The following LRP5 variants were observed in gnomAD, a reference collection of about 807,000 sequenced individuals.
The protein encoded by LRP5 is low-density lipoprotein receptor-related protein 5.
In LRP5, 62 loss-of-function variants were observed where a neutral mutation model predicts 154.1. The ratio of observed to expected loss-of-function variants is 0.40; its 90% CI spans 0.33 to 0.50. The LOEUF is 0.50. LRP5 is among the 20% of genes least tolerant of loss of function. The pLI is 0.55. For synonymous variants in LRP5, 966 were observed against 1,011.5 expected (o/e 0.96, Z 0.85); for missense variants, 1,915 against 2,336.7 (o/e 0.82, Z 3.72).
chr11:68,328,136 C>G (rs1307456161), intron 1 of LRP5, among the ~76,000 whole-genome samples: 5 of 152,222 alleles, frequency 3.3e-5, no homozygotes, highest in Non-Finnish European at 5.9e-5. Flanking sequence ...GTCCAGTTCC[C>G]TGGCATGGTA....
intron 1 of LRP5, among the ~76,000 whole-genome samples, chr11:68,341,942 C>G (rs1410494259): frequency 6.6e-6 from 1 of 152,186 alleles, no homozygotes; most frequent in African/African-American, 2.4e-5. Context: ...TCTGGGTGGG[C>G]CAGCTGGTGC....
intron 5 of LRP5, among the ~76,000 whole-genome samples, chr11:68,369,982 C>T (rs1051758635): frequency 4.6e-5 from 7 of 152,266 alleles, no homozygotes; most frequent in South Asian, 4.1e-4. Context: ...TCACCATGAC[C>T]GGCGCCTTAG....
chr11:68,448,768 G>A (rs1170954147), intron 22 of LRP5, 41 bp from the exon 23 acceptor site: 3 of 1,599,872 alleles, frequency 1.9e-6, no homozygotes, highest in South Asian at 2.2e-5. Context: ...CAGGGCGGAT[G>A]TGCCTACCGA....
chr11:68,365,635 G>T lies in LRP5; in HGVS notation c.948G>T (p.Glu316Asp), dbSNP rs1241805065. 6.2e-7 allele frequency: 1 copy of T among 1,611,396 alleles called. No individual in the cohort carries two copies. Among genetic ancestry groups the T allele is most frequent in the Non-Finnish European group, 8.5e-7 (1 of 1,178,686 alleles). ...ACCTGTGCCTGCTGTCCCCAAGCGA[G>T]CCTTTCTACACATGCGCCTGCCCCA... ...CSHLCLLSPS[E>D]PFYTCACPTG... is the part of the protein sequence containing the mutation. Residue 316 changes from glutamate to aspartate, a missense_variant, in exon 5 of 23, where the codon GAG (glutamate) becomes GAT (aspartate). Transcript: ENST00000294304.
At chr11:68,446,821 G>A (rs375527436) in intron 22 of LRP5, among the ~76,000 whole-genome samples, 7 of 152,318 alleles carry the variant, frequency 4.6e-5, no homozygotes, top group South Asian at 2.1e-4. Flanking sequence ...TGGCTGTGGC[G>A]TCGAGGGGCC....
chr11:68,356,143 CTTTTT>C (rs35481601), intron 2 of LRP5, among the ~76,000 whole-genome samples: 1 of 133,270 alleles, frequency 7.5e-6, no homozygotes, highest in Non-Finnish European at 1.6e-5. Flanking sequence ...CGCACCCAGC[CTTTTT>C]TTTTTTTTTT....
intron 17 of LRP5, among the ~76,000 whole-genome samples, chr11:68,429,976 C>G (rs2098671023): frequency 6.6e-6 from 1 of 152,192 alleles, no homozygotes; most frequent in African/African-American, 2.4e-5. Flanking sequence ...GAGATGACAT[C>G]TTTGGCTCAT....
At position 68,429,303 on chromosome 11, in the gene LRP5, T is replaced by G. The variant is rs544655118; in HGVS notation, c.3638-272T>G. ...AAGTGGGCAGTTCAGACTGATGGTA[T>G]GGGCACAGTAGAGACTGGTGCAGAC... On this transcript the variant is annotated intron_variant, in intron 16 of 22. Coordinates refer to ENST00000294304, the MANE Select transcript of LRP5 (RefSeq NM_002335.4). 3.9e-5 allele frequency among the ~76,000 whole-genome samples: 6 copies of G among 152,264 alleles called. No homozygotes were observed. In the South Asian group the frequency reaches 1.2e-3, roughly 32 times the overall value.
chr11:68,445,926 G>A (rs1158039919), intron 21 of LRP5, among the ~76,000 whole-genome samples: 1 of 152,232 alleles, frequency 6.6e-6, no homozygotes, highest in East Asian at 1.9e-4. Flanking sequence ...CAGCAGGGAC[G>A]CAGAGCCCCT....
the LRP5 span, among the ~76,000 whole-genome samples, chr11:68,305,263 C>A: frequency 6.6e-6 from 1 of 151,918 alleles, no homozygotes; most frequent in African/African-American, 2.4e-5. Flanking sequence ...CTCTCTCTCT[C>A]TCTCGCTCCT....
At chr11:68,342,238 C>T (rs949923662) in intron 1 of LRP5, among the ~76,000 whole-genome samples, 5 of 152,124 alleles carry the variant, frequency 3.3e-5, no homozygotes, top group African/African-American at 1.2e-4. Flanking sequence ...TACTCTGCTA[C>T]TCTGCTGTTC....
At chr11:68,409,101 C>A (rs200805399) in intron 9 of LRP5, among the ~76,000 whole-genome samples, 1 of 80,436 alleles carries the variant, frequency 1.2e-5, no homozygotes, top group Non-Finnish European at 2.2e-5. Context: ...TATATACACA[C>A]ACATACACGC....
chr11:68,430,251 G>A (rs1199664037), intron 17 of LRP5, among the ~76,000 whole-genome samples: 3 of 152,188 alleles, frequency 2.0e-5, no homozygotes, highest in Non-Finnish European at 2.9e-5. Context: ...TCAGCTCACC[G>A]CAACCTCTGC....
chr11:68,446,298 A>C, intron 21 of LRP5, 138 bp from the exon 22 acceptor site: 3 of 700,768 alleles, frequency 4.3e-6, no homozygotes, highest in Non-Finnish European at 7.7e-6. Context: ...AGGTTTTGCC[A>C]ACTGGCCAGA....
At chr11:68,445,767 C>A in intron 21 of LRP5, 1 of 831,938 alleles carries the variant, frequency 1.2e-6, no homozygotes, top group Non-Finnish European at 1.7e-6. Context: ...GCTGCCTGGA[C>A]CTGGGGGGCA....
intron 1 of LRP5, among the ~76,000 whole-genome samples, chr11:68,341,245 A>C (rs910081499): frequency 6.6e-6 from 1 of 151,366 alleles, no homozygotes; most frequent in Non-Finnish European, 1.5e-5. Flanking sequence ...TTTGTTCTGC[A>C]CTCTGGGCTG....
chr11:68,442,373 C>T (rs1037457088), intron 21 of LRP5, among the ~76,000 whole-genome samples: 2 of 152,222 alleles, frequency 1.3e-5, no homozygotes, highest in Admixed American at 6.5e-5. Context: ...CTCCTGGGCT[C>T]AAGCGATTCT....
chr11:68,352,162 C>A (rs1020337583), intron 2 of LRP5, among the ~76,000 whole-genome samples: 1 of 152,036 alleles, frequency 6.6e-6, no homozygotes, highest in African/African-American at 2.4e-5. Context: ...GGGATCCTGG[C>A]GACAGAAAGC....
intron 21 of LRP5, among the ~76,000 whole-genome samples, chr11:68,443,751 C>T (rs905759521): frequency 6.7e-6 from 1 of 150,246 alleles, no homozygotes; most frequent in Non-Finnish European, 1.5e-5. Flanking sequence ...CTCCGCCTCC[C>T]GGGTTGGAGT....
Sources: allele counts gnomAD v4.1 joint callset (sites outside exome capture counted in the v4.1 genomes callset), GRCh38; gene constraint gnomAD v4.1.1; transcripts MANE v1.5; gene names NCBI Gene and HGNC (gene_info 2026-07-23, HGNC 2026-07-21).